Variants in RAD51B observed in about 807,000 individuals in gnomAD.
RAD51B encodes the protein DNA repair protein RAD51 homolog 2.
In RAD51B, 38 loss-of-function variants were observed where a neutral mutation model predicts 42.2. The ratio of observed to expected loss-of-function variants is 0.90; its 90% CI spans 0.70 to 1.18. The LOEUF is 1.18. Among genes scored for constraint, RAD51B ranks in the 50% most tolerant of loss-of-function variants. The probability of loss-of-function intolerance (pLI) is 0.00; values close to 1 mark genes in which losing one functional copy is unlikely to be tolerated. For synonymous variants in RAD51B, 154 were observed against 145.2 expected (o/e 1.06, Z -0.43); for missense variants, 373 against 400.7 (o/e 0.93, Z 0.59).
chr14:68,441,081 A>G (rs1218957946), intron 9 of RAD51B, among the ~76,000 whole-genome samples: 1 of 152,218 alleles, frequency 6.6e-6, no homozygotes, highest in Non-Finnish European at 1.5e-5. Context: ...ATGTGCAACA[A>G]TGTAACTACA....
intron 7 of RAD51B, among the ~76,000 whole-genome samples, chr14:68,198,409 A>AT (rs987169534): frequency 2.6e-5 from 4 of 152,076 alleles, no homozygotes; most frequent in African/African-American, 9.7e-5. Flanking sequence ...TAAAAAATCA[A>AT]TTTTTTTGGT....
rs865913333 is a variant in RAD51B, at chr14:68,603,767, C to A, written c.1037-7239C>A. The stretch of plus-strand genomic sequence containing the variant: ...AGCTGTCCCAAAGACAGAGAGGGAG[C>A]CTGCACACGCCGCGTCTCGCCTTGG... On this transcript the variant is annotated intron_variant, in intron 10 of 10. Coordinates refer to the RAD51B transcript ENST00000487861. Among the ~76,000 whole-genome samples the A allele has an allele frequency of 2.0e-5, 3 of 152,236 alleles. No homozygotes were observed. In the South Asian group the frequency reaches 6.2e-4, roughly 31 times the overall value.
intron 7 of RAD51B, among the ~76,000 whole-genome samples, chr14:67,911,944 AAT>A (rs1197995665): frequency 3.3e-5 from 5 of 152,226 alleles, no homozygotes; most frequent in Non-Finnish European, 7.3e-5. Context: ...CAGTTACATG[AAT>A]AGAGAAAAGA....
At chr14:67,831,183 T>C (rs552627225) in intron 3 of RAD51B, among the ~76,000 whole-genome samples, 45 of 152,202 alleles carry the variant, frequency 3.0e-4, no homozygotes, top group African/African-American at 1.1e-3. Flanking sequence ...CCAGTACTTG[T>C]CTAATTTAAG....
At chr14:67,886,190 ATT>A (rs1212684560) in intron 6 of RAD51B, among the ~76,000 whole-genome samples, 2 of 152,192 alleles carry the variant, frequency 1.3e-5, no homozygotes, top group African/African-American at 2.4e-5. Flanking sequence ...AATGTTCTGT[ATT>A]TAATTAATTA....
chr14:67,884,963 A>G (rs2140049182), intron 5 of RAD51B, among the ~76,000 whole-genome samples: 1 of 152,340 alleles, frequency 6.6e-6, no homozygotes, highest in South Asian at 2.1e-4. Flanking sequence ...TTTAGAAATG[A>G]AAACACTGTT....
intron 7 of RAD51B, among the ~76,000 whole-genome samples, chr14:68,112,445 G>T (rs2077474122): frequency 6.6e-6 from 1 of 152,036 alleles, no homozygotes; most frequent in Non-Finnish European, 1.5e-5. Context: ...TAGCTCCCTG[G>T]ACTAAGATAG....
intron 11 of RAD51B, among the ~76,000 whole-genome samples, chr14:68,654,361 C>T (rs1433916650): frequency 1.3e-5 from 2 of 152,220 alleles, no homozygotes; most frequent in Non-Finnish European, 2.9e-5. Flanking sequence ...GACACCTTTA[C>T]GTCAGGGTGT....
rs2045339791 is a variant in RAD51B at position 67,944,951 on chromosome 14, G to A, written c.756+57747G>A. 3.3e-5 allele frequency among the ~76,000 whole-genome samples: 5 copies of A among 152,256 alleles called. No homozygotes were observed. The South Asian group carries it at 1.0e-3, about 32-fold the overall frequency. ...TTGAATCATTGTGATTGTTGGATAAGCCAGAGAGCCCTTTCACCAAAAAGA... is the reference window on the plus strand; with the variant it reads ...TTGAATCATTGTGATTGTTGGATAAACCAGAGAGCCCTTTCACCAAAAAGA... On this transcript the variant is annotated intron_variant, in intron 7 of 10. Transcript: ENST00000471583.
intron 7 of RAD51B, among the ~76,000 whole-genome samples, chr14:68,101,761 C>T (rs537079351): frequency 6.7e-6 from 1 of 148,304 alleles, no homozygotes; most frequent in Non-Finnish European, 1.5e-5. Flanking sequence ...CTGCCTTTCT[C>T]AGGTCTGGAG....
intron 7 of RAD51B, among the ~76,000 whole-genome samples, chr14:68,246,689 T>C (rs188806519): frequency 1.6e-3 from 245 of 152,364 alleles, no homozygotes; most frequent in African/African-American, 5.7e-3. Flanking sequence ...TTTTTTGCTA[T>C]ACTCCTGAGT....
intron 8 of RAD51B, among the ~76,000 whole-genome samples, chr14:68,313,044 T>C (rs1346726198): frequency 6.6e-6 from 1 of 152,220 alleles, no homozygotes; most frequent in Non-Finnish European, 1.5e-5. Flanking sequence ...GATTTTAACT[T>C]TCAAAGTTTA....
In RAD51B at chr14:68,171,594, C is replaced by G. The variant is rs190450210; in HGVS notation, c.757-120290C>G. Among the ~76,000 whole-genome samples, 3 of 151,958 alleles carry G rather than the reference C, an allele frequency of 2.0e-5. No individual in the cohort carries two copies. The East Asian group carries it at 5.8e-4, about 29-fold the overall frequency. ...GGGATTACAGGCATAAGAACCGCAC[C>G]CAGCCTACAGTGTCTTTTACTAGGA... On this transcript the variant is annotated intron_variant, in intron 7 of 10. Transcript: ENST00000471583.
chr14:68,580,344 G>T (rs566219813), intron 10 of RAD51B, among the ~76,000 whole-genome samples: 57 of 149,764 alleles, frequency 3.8e-4, no homozygotes, highest in African/African-American at 1.4e-3. Flanking sequence ...GGTCTCCCAG[G>T]GTTGGAGGTC....
At chr14:68,097,240 A>C (rs1370143895) in intron 7 of RAD51B, among the ~76,000 whole-genome samples, 2 of 151,854 alleles carry the variant, frequency 1.3e-5, no homozygotes, top group Non-Finnish European at 2.9e-5. Context: ...AAAAGTGTAA[A>C]TTTCATAATT....
intron 7 of RAD51B, among the ~76,000 whole-genome samples, chr14:68,040,069 C>T (rs916739686): frequency 6.6e-5 from 10 of 152,128 alleles, no homozygotes; most frequent in African/African-American, 2.4e-4. Flanking sequence ...ATTTGTTTCC[C>T]TTAATCTTAT....
intron 9 of RAD51B, chr14:68,422,022 C>T (rs2084713350): frequency 1.3e-6 from 2 of 1,533,596 alleles, no homozygotes; most frequent in African/African-American, 2.7e-5. Flanking sequence ...CACATAAACC[C>T]TGGAATAATT....
At chr14:67,821,128 G>A (rs543282392) in intron 1 of RAD51B, among the ~76,000 whole-genome samples, 1 of 152,286 alleles carries the variant, frequency 6.6e-6, no homozygotes, top group South Asian at 2.1e-4. Flanking sequence ...GCGAATTTGG[G>A]GCTTCTTCCT....
chr14:68,240,306 A>G (rs1046908046), intron 7 of RAD51B, among the ~76,000 whole-genome samples: 1 of 152,124 alleles, frequency 6.6e-6, no homozygotes, highest in African/African-American at 2.4e-5. Flanking sequence ...CCTCAACTCC[A>G]CTTCCTTATA....
Sources: allele counts gnomAD v4.1 joint callset (sites outside exome capture counted in the v4.1 genomes callset), GRCh38; gene constraint gnomAD v4.1.1; transcripts MANE v1.5; gene names NCBI Gene and HGNC (gene_info 2026-07-23, HGNC 2026-07-21).